LAMC2: variants seen among roughly 807,000 people sequenced by gnomAD.
The protein encoded by LAMC2 is laminin subunit gamma 2, also known as laminin subunit gamma-2.
Under a neutral mutation model 140.2 loss-of-function variants are expected in LAMC2, and 97 were observed. The observed-to-expected ratio is 0.69, with a 90% CI of 0.59 to 0.82. The LOEUF (loss-of-function observed/expected upper bound fraction) is 0.82. LAMC2 is among the 40% of genes least tolerant of loss of function. The pLI, the probability that LAMC2 is intolerant of heterozygous loss-of-function variation, is 0.00. For missense variants in LAMC2, 1,402 were observed against 1,476.1 expected (o/e 0.95, Z 0.82); for synonymous variants, 513 against 540.2 (o/e 0.95, Z 0.70).
At chr1:183,188,476 A>G (rs1658224197) in intron 1 of LAMC2, among the ~76,000 whole-genome samples, 1 of 152,200 alleles carries the variant, frequency 6.6e-6, no homozygotes, top group Non-Finnish European at 1.5e-5. Context: ...GGGCTCAGCT[A>G]AAGCACAGGC....
intron 1 of LAMC2, among the ~76,000 whole-genome samples, chr1:183,194,486 A>G (rs1658451405): frequency 6.6e-6 from 1 of 152,246 alleles, no homozygotes; most frequent in South Asian, 2.1e-4. Context: ...TCACAAAAGC[A>G]GTAAGGATTT....
At chr1:183,232,109 C>T (rs1298774731) in intron 12 of LAMC2, 78 bp from the exon 13 acceptor site, 1 of 1,549,746 alleles carries the variant, frequency 6.5e-7, no homozygotes, top group Non-Finnish European at 8.9e-7. Flanking sequence ...TAGTATTATC[C>T]CCTGGGTACC....
intron 3 of LAMC2, 56 bp downstream of exon 3, chr1:183,215,644 A>G (rs1659231120): frequency 1.2e-6 from 2 of 1,600,086 alleles, no homozygotes; most frequent in Admixed American, 1.7e-5. Context: ...CAATTATATA[A>G]ACCTTAGCAA....
intron 19 of LAMC2, 99 bp downstream of exon 19, chr1:183,238,520 T>C: frequency 1.3e-6 from 1 of 781,778 alleles, no homozygotes; most frequent in Non-Finnish European, 2.3e-6. Flanking sequence ...GGCAGGTATA[T>C]TGGGATATTA....
the LAMC2 span, chr1:183,252,309 C>T: frequency 1.4e-5 from 4 of 276,478 alleles, no homozygotes; most frequent in South Asian, 1.5e-4. Flanking sequence ...GCCGCCTCCC[C>T]AGAGCGTGCT....
At chr1:183,211,692 G>A (rs1380729966) in intron 2 of LAMC2, among the ~76,000 whole-genome samples, 1 of 151,602 alleles carries the variant, frequency 6.6e-6, no homozygotes, top group African/African-American at 2.4e-5. Flanking sequence ...TTATTTTTTT[G>A]TGGAGACAGG....
intron 22 of LAMC2, chr1:183,241,288 G>A (rs1212387241): frequency 3.3e-5 from 32 of 982,412 alleles, no homozygotes; most frequent in Admixed American, 2.5e-4. Context: ...ATCACTTGCC[G>A]ATTTTACATT....
chr1:183,208,077 A>G lies in LAMC2; in HGVS notation c.268+8A>G, dbSNP rs1266128922. ...GCAATTGTAACTCCAAAGGTAGCTG[A>G]AAAGGACGGAAAGAGGGAGAGGGAG... On this transcript the variant is annotated splice_region_variant and intron_variant, in intron 2 of 22. Transcript: ENST00000264144. 2 of 1,612,198 alleles carry G rather than the reference A, an allele frequency of 1.2e-6. No individual in the cohort carries two copies. The highest frequency in any genetic ancestry group is 2.2e-5 in the East Asian group (1 of 44,866).
Position 183,243,363 on chromosome 1 carries a change from C to T in LAMC2, c.3545C>T (p.Pro1182Leu). The T allele has an allele frequency of 1.9e-6, 3 of 1,614,204 alleles. No homozygotes were observed. Among genetic ancestry groups the T allele is most frequent in the South Asian group, 2.2e-5 (2 of 91,086 alleles). The change falls in exon 23 of 23, where the codon CCA becomes CTA. Residue 1182 changes from proline to leucine, a missense_variant. Around this residue, in one of 3 missense-constraint regions of LAMC2, gnomAD observed 670 missense variants for 667.2 expected, o/e 1.00. Coordinates refer to ENST00000264144, the MANE Select transcript of LAMC2 (RefSeq NM_005562.3). Reference protein sequence around the residue: ...NLENIRDNLPPGCYNTQALEQ... With the variant: ...NLENIRDNLPLGCYNTQALEQ... Reference sequence around the variant, plus strand: ...GAGAACATTAGGGACAACCTGCCCCCAGGCTGCTACAATACCCAGGCTCTT... The same window carrying T: ...GAGAACATTAGGGACAACCTGCCCCTAGGCTGCTACAATACCCAGGCTCTT...
intron 1 of LAMC2, 62 bp downstream of exon 1, chr1:183,186,493 G>A: frequency 6.4e-7 from 1 of 1,554,756 alleles, no homozygotes; most frequent in Non-Finnish European, 8.7e-7. Flanking sequence ...TTTCTCTGCA[G>A]ACCGTGATGG....
chr1:183,214,775 A>C (rs1659199000), intron 2 of LAMC2, among the ~76,000 whole-genome samples: 1 of 151,988 alleles, frequency 6.6e-6, no homozygotes, highest in Non-Finnish European at 1.5e-5. Context: ...AGGTGGTGAG[A>C]CCTGGCAGCA....
intron 2 of LAMC2, among the ~76,000 whole-genome samples, chr1:183,209,790 C>T (rs1659016697): frequency 6.6e-6 from 1 of 152,176 alleles, no homozygotes; most frequent in Non-Finnish European, 1.5e-5. Flanking sequence ...CAGGAACCTG[C>T]TGCCTAGCAC....
At chr1:183,252,488 T>G in the LAMC2 span, 2 of 465,178 alleles carry the variant, frequency 4.3e-6, no homozygotes, top group Middle Eastern at 5.8e-4. Context: ...GGGAATGCCA[T>G]GGTTCTCTGC....
At position 183,240,115 on chromosome 1, in the gene LAMC2, C is replaced by G; in HGVS notation, c.3145C>G (p.Leu1049Val). ...ALAMEKGLAS[L>V]KSEMREVEGE... is the part of the protein sequence containing the mutation. ...GGCCATGGAAAAGGGACTGGCCTCT[C>G]TGAAGAGTGAGATGAGGGAAGTGGA... The change falls in exon 21 of 23, where the codon CTG (leucine) becomes GTG (valine). Residue 1049 changes from leucine to valine, a missense_variant. Transcript: ENST00000264144. 1 of 1,614,098 alleles carries G rather than the reference C, an allele frequency of 6.2e-7. No individual in the cohort carries two copies. Among genetic ancestry groups the G allele is most frequent in the Non-Finnish European group, 8.5e-7 (1 of 1,180,022 alleles).
intron 10 of LAMC2, among the ~76,000 whole-genome samples, chr1:183,227,910 A>G (rs1287694712): frequency 6.6e-6 from 1 of 152,236 alleles, no homozygotes; most frequent in Non-Finnish European, 1.5e-5. Flanking sequence ...CAATTATGGG[A>G]GAAAACACCT....
chr1:183,235,694 G>T lies in LAMC2; in HGVS notation c.2420G>T (p.Ser807Ile). The change falls in exon 16 of 23, where the codon AGC becomes ATC. Residue 807 changes from serine to isoleucine, a missense_variant. Around this residue, in one of 3 missense-constraint regions of LAMC2, gnomAD observed 670 missense variants for 667.2 expected, o/e 1.00. Transcript: ENST00000264144. ...LHEGVGSGSGSPDGAVVQGLV... is the reference protein window; with the variant it reads ...LHEGVGSGSGIPDGAVVQGLV... ...GAAGGAGTCGGAAGCGGAAGCGGTA[G>T]CCCGGACGGTGCTGTGGTGCAAGGG... 1 of 1,614,242 alleles carries T rather than the reference G, an allele frequency of 6.2e-7. No homozygotes were observed. Among genetic ancestry groups the T allele is most frequent in the Non-Finnish European group, 8.5e-7 (1 of 1,180,046 alleles).
chr1:183,217,662 A>G (rs1659318006), intron 3 of LAMC2, among the ~76,000 whole-genome samples: 1 of 152,240 alleles, frequency 6.6e-6, no homozygotes. Context: ...GTATAATTCC[A>G]TTGATAGGAA....
At chr1:183,211,145 C>A (rs1659056146) in intron 2 of LAMC2, among the ~76,000 whole-genome samples, 1 of 152,198 alleles carries the variant, frequency 6.6e-6, no homozygotes, top group African/African-American at 2.4e-5. Context: ...CCCAAAAATG[C>A]AGAAATTAGG....
At chr1:183,205,813 G>GTC (rs908086373) in intron 1 of LAMC2, among the ~76,000 whole-genome samples, 1 of 152,034 alleles carries the variant, frequency 6.6e-6, no homozygotes, top group Non-Finnish European at 1.5e-5. Flanking sequence ...GTGTGTGTGT[G>GTC]TGTGTGTCTG....
Sources: gnomAD v4.1 joint callset for allele counts (sites outside exome capture counted in the v4.1 genomes callset) on GRCh38, gnomAD v4.1.1 for gene constraint, gnomAD v4.1.1 regional missense constraint, MANE v1.5 for transcripts, NCBI Gene and HGNC (gene_info 2026-07-23, HGNC 2026-07-21) for gene names.